Variants in MITF observed in about 807,000 individuals in gnomAD.
The protein encoded by MITF is microphthalmia-associated transcription factor.
In MITF, 17 loss-of-function variants were observed where a neutral mutation model predicts 60.5. That is an observed-to-expected ratio of 0.28 (90% CI 0.19 to 0.42). MITF has a LOEUF of 0.42. MITF is among the 10% of genes least tolerant of loss of function. The pLI, the probability that MITF is intolerant of heterozygous loss-of-function variation, is 1.00. For missense variants in MITF, 622 were observed against 683.5 expected (o/e 0.91, Z 1.00); for synonymous variants, 260 against 248.5 (o/e 1.05, Z -0.43).
intron 1 of MITF, among the ~76,000 whole-genome samples, chr3:69,858,856 T>C (rs1468297313): frequency 6.6e-6 from 1 of 152,204 alleles, no homozygotes; most frequent in Non-Finnish European, 1.5e-5. Flanking sequence ...TTAAAGTTCT[T>C]TGAGGCTCTA....
chr3:69,812,713 G>C (rs147443540), intron 1 of MITF, among the ~76,000 whole-genome samples: 1 of 152,272 alleles, frequency 6.6e-6, no homozygotes, highest in African/African-American at 2.4e-5. Context: ...ATGAATTCGT[G>C]ATAAAGTTAC....
At chr3:69,876,859 A>C (rs1192199418) in intron 1 of MITF, among the ~76,000 whole-genome samples, 1 of 151,998 alleles carries the variant, frequency 6.6e-6, no homozygotes, top group Admixed American at 6.6e-5. Context: ...TCCTTTTTTC[A>C]TGGTCTTAAA....
At chr3:69,813,771 CT>C (rs1397109698) in intron 1 of MITF, among the ~76,000 whole-genome samples, 1 of 152,058 alleles carries the variant, frequency 6.6e-6, no homozygotes, top group Non-Finnish European at 1.5e-5. Context: ...TAAAGAGTGC[CT>C]TTTAAAAAAT....
intron 2 of MITF, among the ~76,000 whole-genome samples, chr3:69,917,098 A>T (rs757246941): frequency 6.6e-6 from 1 of 152,190 alleles, no homozygotes; most frequent in Non-Finnish European, 1.5e-5. Flanking sequence ...AAACAAGAAA[A>T]ACAAGAAGGA....
At chr3:69,796,209 G>T (rs962357774) in intron 1 of MITF, among the ~76,000 whole-genome samples, 3 of 152,150 alleles carry the variant, frequency 2.0e-5, no homozygotes, top group Non-Finnish European at 4.4e-5. Flanking sequence ...TTGAATTCCT[G>T]ACCTCAGGTG....
intron 1 of MITF, among the ~76,000 whole-genome samples, chr3:69,857,447 A>G (rs990703086): frequency 6.6e-6 from 1 of 152,162 alleles, no homozygotes; most frequent in South Asian, 2.1e-4. Context: ...TCAGTGTGAC[A>G]ATATGATAAA....
chr3:69,937,171 G>C (rs754730321), intron 2 of MITF: 34 of 169,904 alleles, frequency 2.0e-4, no homozygotes, highest in Non-Finnish European at 3.9e-4. Flanking sequence ...AAACACATAC[G>C]TGTAAGTGTT....
At chr3:69,832,167 G>T (rs2107102008) in intron 1 of MITF, among the ~76,000 whole-genome samples, 1 of 152,258 alleles carries the variant, frequency 6.6e-6, no homozygotes, top group East Asian at 1.9e-4. Context: ...GTGCTGGGCT[G>T]GGCAGTTCTG....
chr3:69,765,440 T>C (rs2062275300), intron 1 of MITF, among the ~76,000 whole-genome samples: 1 of 152,264 alleles, frequency 6.6e-6, no homozygotes, highest in Admixed American at 6.5e-5. Context: ...GTGAAAATTA[T>C]AGATATTTCC....
chr3:69,793,295 C>T (rs1157937598), intron 1 of MITF, among the ~76,000 whole-genome samples: 1 of 152,146 alleles, frequency 6.6e-6, no homozygotes, highest in African/African-American at 2.4e-5. Flanking sequence ...GGATTACAGG[C>T]GTAAGCCACT....
Position 69,937,941 on chromosome 3 carries a change from G to T in MITF, c.474G>T (p.Leu158Phe). Residue 158 changes from leucine to phenylalanine, a missense_variant, in exon 3 of 10, where the codon TTG becomes TTT. Around this residue, in one of 5 missense-constraint regions of MITF, gnomAD observed 215 missense variants for 224.8 expected, o/e 0.96. Transcript: ENST00000352241. ...ANKHANQVLS[L>F]PCPNQPGDHV... ...AACATGCCAACCAAGTCCTGAGCTT[G>T]CCATGTCCAAACCAGCCTGGCGATC... 6.2e-7 allele frequency: 1 copy of T among 1,614,150 alleles called. No individual in the cohort carries two copies. The highest frequency in any genetic ancestry group is 8.5e-7 in the Non-Finnish European group (1 of 1,180,020).
chr3:69,852,870 G>A (rs1238557060), intron 1 of MITF, among the ~76,000 whole-genome samples: 4 of 151,916 alleles, frequency 2.6e-5, no homozygotes, highest in Non-Finnish European at 5.9e-5. Flanking sequence ...GTGTTTTTTT[G>A]ATAGGGATGG....
chr3:69,801,789 A>G lies in MITF; in HGVS notation c.104+62088A>G, dbSNP rs565372321. Among the ~76,000 whole-genome samples, 73 of 152,258 alleles carry G rather than the reference A, an allele frequency of 4.8e-4. No homozygotes were observed. In the South Asian group the frequency reaches 0.011, roughly 23 times the overall value. On this transcript the variant is annotated intron_variant, in intron 1 of 9. Coordinates refer to ENST00000352241, the MANE Select transcript of MITF (RefSeq NM_001354604.2). ...TGCATTGGAAAATGGGCTATAGAGTATGGTGGAGAGCTCAGGGCCTTGGAG... is the reference window on the plus strand; with the variant it reads ...TGCATTGGAAAATGGGCTATAGAGTGTGGTGGAGAGCTCAGGGCCTTGGAG...
At chr3:69,933,382 A>G (rs933825715) in intron 2 of MITF, among the ~76,000 whole-genome samples, 11 of 152,152 alleles carry the variant, frequency 7.2e-5, no homozygotes, top group Non-Finnish European at 1.0e-4. Context: ...TTAAACTGAC[A>G]TGTGATGTGC....
intron 5 of MITF, among the ~76,000 whole-genome samples, chr3:69,946,259 AT>A (rs1222235299): frequency 6.6e-6 from 1 of 152,196 alleles, no homozygotes; most frequent in Non-Finnish European, 1.5e-5. Flanking sequence ...AAGAGGCAGG[AT>A]TTTAATCCGG....
chr3:69,764,263 A>G (rs1390284659), intron 1 of MITF, among the ~76,000 whole-genome samples: 1 of 152,156 alleles, frequency 6.6e-6, no homozygotes, highest in Non-Finnish European at 1.5e-5. Flanking sequence ...TTCCAAATGC[A>G]TTTTCCAGTG....
intron 2 of MITF, among the ~76,000 whole-genome samples, chr3:69,910,946 AT>A (rs2065210920): frequency 6.6e-6 from 1 of 151,920 alleles, no homozygotes; most frequent in African/African-American, 2.4e-5. Context: ...AGGACATGAG[AT>A]TTGGAGGGGC....
chr3:69,848,475 A>G (rs920413264), intron 1 of MITF, among the ~76,000 whole-genome samples: 3 of 152,224 alleles, frequency 2.0e-5, no homozygotes, highest in Non-Finnish European at 4.4e-5. Flanking sequence ...TCGAGCACTC[A>G]TGGATGGATT....
At chr3:69,867,790 A>C (rs2064145427) in intron 1 of MITF, among the ~76,000 whole-genome samples, 1 of 152,356 alleles carries the variant, frequency 6.6e-6, no homozygotes, top group East Asian at 1.9e-4. Flanking sequence ...GTCAAACCTG[A>C]ATTCACAGCC....
Sources: allele counts gnomAD v4.1 joint callset (sites outside exome capture counted in the v4.1 genomes callset), GRCh38; gene constraint gnomAD v4.1.1; regional missense constraint gnomAD v4.1.1; transcripts MANE v1.5; gene names NCBI Gene and HGNC (gene_info 2026-07-23, HGNC 2026-07-21).